DGKB: variants seen among roughly 807,000 people sequenced by gnomAD.
DGKB encodes diacylglycerol kinase beta.
DGKB carries 67 observed loss-of-function variants against 114.3 expected under a neutral mutation model. The ratio of observed to expected loss-of-function variants is 0.59; its 90% CI spans 0.48 to 0.72. The LOEUF (loss-of-function observed/expected upper bound fraction) is 0.72. Among genes scored for constraint, DGKB ranks in the 30% least tolerant of loss-of-function variants. The pLI is 0.00. For synonymous variants in DGKB, 398 were observed against 323.1 expected (o/e 1.23, Z -2.49); for missense variants, 907 against 975.2 (o/e 0.93, Z 0.93).
At chr7:14,808,992 T>C (rs988639899) in intron 2 of DGKB, among the ~76,000 whole-genome samples, 2 of 152,156 alleles carry the variant, frequency 1.3e-5, no homozygotes, top group Non-Finnish European at 2.9e-5. Flanking sequence ...TTTGCAAATA[T>C]TGTAGAAATA....
rs1217911266 is a variant in DGKB, at chr7:14,148,283, A to G, written c.*848T>C. On this transcript the variant is annotated 3_prime_UTR_variant, in exon 26 of 26. Transcript: ENST00000402815. ...CTCCACAATGCTTAATTAATTATGCATTAACCCATTTCTCTCAAGCATTGT... is the reference window on the plus strand; with the variant it reads ...CTCCACAATGCTTAATTAATTATGCGTTAACCCATTTCTCTCAAGCATTGT... 1.3e-5 allele frequency: 2 copies of G among 152,430 alleles called. No individual in the cohort carries two copies. Among genetic ancestry groups the G allele is most frequent in the African/African-American group, 2.4e-5 (1 of 41,282 alleles). 9.4% of individuals were successfully genotyped at this position (152,430 alleles called of 1,614,324 possible). A position where few individuals can be genotyped will look rare whatever the true frequency, so the allele number is the denominator to read the frequency against.
At chr7:14,583,759 A>G (rs1251951234) in intron 17 of DGKB, among the ~76,000 whole-genome samples, 1 of 152,158 alleles carries the variant, frequency 6.6e-6, no homozygotes, top group Non-Finnish European at 1.5e-5. Context: ...CAGCTGCCAT[A>G]AATACCCACT....
chr7:14,733,036 A>G (rs1831149886), intron 5 of DGKB, among the ~76,000 whole-genome samples: 1 of 152,212 alleles, frequency 6.6e-6, no homozygotes, highest in Admixed American at 6.5e-5. Context: ...ATTTAATTCA[A>G]TTTAAGGTAT....
At chr7:14,840,202 C>T (rs1847730300) in intron 2 of DGKB, among the ~76,000 whole-genome samples, 2 of 152,176 alleles carry the variant, frequency 1.3e-5, no homozygotes, top group South Asian at 2.1e-4. Context: ...ATTTTTACCT[C>T]GTTCACTATC....
intron 21 of DGKB, among the ~76,000 whole-genome samples, chr7:14,472,828 G>T (rs948113580): frequency 6.6e-6 from 1 of 152,128 alleles, no homozygotes; most frequent in Admixed American, 6.5e-5. Context: ...GTGGCACTTT[G>T]TCCCTGCCCT....
At chr7:14,638,419 T>C (rs1163075853) in intron 13 of DGKB, among the ~76,000 whole-genome samples, 2 of 152,228 alleles carry the variant, frequency 1.3e-5, no homozygotes, top group African/African-American at 4.8e-5. Context: ...CCTTGTTATA[T>C]ATTTGTTTTA....
intron 1 of DGKB, among the ~76,000 whole-genome samples, chr7:14,895,534 T>C (rs1407356613): frequency 6.6e-6 from 1 of 151,628 alleles, no homozygotes; most frequent in Non-Finnish European, 1.5e-5. Context: ...ACAGCACTAT[T>C]ACAACAGCAA....
intron 5 of DGKB, among the ~76,000 whole-genome samples, chr7:14,734,715 G>C (rs1831448826): frequency 6.6e-6 from 1 of 152,072 alleles, no homozygotes; most frequent in Admixed American, 6.5e-5. Flanking sequence ...TTTGTTAACA[G>C]GTAGTGGTTT....
At chr7:14,927,318 T>C (rs1784795557) in intron 1 of DGKB, among the ~76,000 whole-genome samples, 1 of 152,074 alleles carries the variant, frequency 6.6e-6, no homozygotes, top group Non-Finnish European at 1.5e-5. Context: ...GAATTAATTT[T>C]ATTTCCAGTT....
intron 25 of DGKB, among the ~76,000 whole-genome samples, chr7:14,170,757 A>C (rs544949747): frequency 1.5e-4 from 23 of 152,310 alleles, no homozygotes; most frequent in African/African-American, 5.5e-4. Context: ...CTTTTTGAAT[A>C]GTCTGTATTT....
At chr7:14,884,158 C>T (rs1271019109) in intron 1 of DGKB, among the ~76,000 whole-genome samples, 1 of 151,748 alleles carries the variant, frequency 6.6e-6, no homozygotes, top group East Asian at 1.9e-4. Context: ...CAAAAGCAGC[C>T]CTAAAAATAT....
At chr7:14,875,072 C>T (rs551767628) in intron 1 of DGKB, among the ~76,000 whole-genome samples, 2 of 151,948 alleles carry the variant, frequency 1.3e-5, no homozygotes, top group South Asian at 4.2e-4. Context: ...TTTGGTGTAC[C>T]ACTAAATAGA....
chr7:14,627,277 A>T (rs1053024952), intron 14 of DGKB, among the ~76,000 whole-genome samples: 1 of 151,950 alleles, frequency 6.6e-6, no homozygotes, highest in Admixed American at 6.6e-5. Context: ...GAGACGGGGG[A>T]CAACAAAACA....
chr7:14,440,557 T>G (rs1829942103), intron 21 of DGKB, among the ~76,000 whole-genome samples: 1 of 152,184 alleles, frequency 6.6e-6, no homozygotes, highest in East Asian at 1.9e-4. Context: ...ACATTCAGAT[T>G]GATAAAGGTA....
upstream of DGKB, chr7:14,903,154 T>C (rs1783382592): frequency 6.6e-6 from 1 of 152,266 alleles, no homozygotes; most frequent in South Asian, 2.1e-4. Flanking sequence ...AACGCTCTTC[T>C]TCAGTCTCTC....
At chr7:14,888,047 T>C (rs949266796) in intron 1 of DGKB, among the ~76,000 whole-genome samples, 1 of 151,706 alleles carries the variant, frequency 6.6e-6, no homozygotes, top group African/African-American at 2.4e-5. Flanking sequence ...AATATCAGGG[T>C]AGTGCAATCT....
At chr7:14,922,277 C>G (rs1009074259) in intron 1 of DGKB, among the ~76,000 whole-genome samples, 5 of 151,866 alleles carry the variant, frequency 3.3e-5, no homozygotes, top group Middle Eastern at 3.4e-3. Context: ...TTAATAGATT[C>G]CAGGGATGGG....
chr7:14,818,539 C>G (rs930178949), intron 2 of DGKB, among the ~76,000 whole-genome samples: 1 of 151,936 alleles, frequency 6.6e-6, no homozygotes, highest in African/African-American at 2.4e-5. Context: ...CCACAGTATC[C>G]AAAAATTGGG....
chr7:14,637,469 C>A (rs1810962289), intron 13 of DGKB, among the ~76,000 whole-genome samples: 1 of 151,308 alleles, frequency 6.6e-6, no homozygotes, highest in East Asian at 1.9e-4. Context: ...AAACTTCAAG[C>A]AGTTTTAAAT....
Sources: allele counts gnomAD v4.1 joint callset (sites outside exome capture counted in the v4.1 genomes callset), GRCh38; gene constraint gnomAD v4.1.1; transcripts MANE v1.5; gene names NCBI Gene and HGNC (gene_info 2026-07-23, HGNC 2026-07-21).